ACTR3C: variants seen among roughly 807,000 people sequenced by gnomAD.
ACTR3C encodes actin related protein 3C, also known as actin-related protein 3C.
In ACTR3C, 18 loss-of-function variants were observed where a neutral mutation model predicts 26.3. The observed-to-expected ratio is 0.68, with a 90% CI of 0.47 to 1.01. ACTR3C has a LOEUF of 1.01. Ranked by LOEUF, ACTR3C falls within the 50% of genes least tolerant of loss-of-function variation. The pLI is 0.00. For synonymous variants in ACTR3C, 55 were observed against 94.5 expected (o/e 0.58, Z 2.42); for missense variants, 184 against 250.7 (o/e 0.73, Z 1.80).
the ACTR3C span, among the ~76,000 whole-genome samples, chr7:150,112,404 A>G: frequency 6.6e-6 from 1 of 152,154 alleles, no homozygotes; most frequent in Non-Finnish European, 1.5e-5. Context: ...ACGTCACCAC[A>G]CCTTACCAGC....
chr7:150,109,200 C>T, the ACTR3C span, among the ~76,000 whole-genome samples: 1 of 151,874 alleles, frequency 6.6e-6, no homozygotes, highest in African/African-American at 2.4e-5. Context: ...ATGCTTAACA[C>T]TTCATTTTTT....
chr7:150,036,117 G>A, the ACTR3C span, among the ~76,000 whole-genome samples: 7 of 134,666 alleles, frequency 5.2e-5, no homozygotes, highest in East Asian at 2.1e-4. Flanking sequence ...GAGCCAGGGG[G>A]GGAAGAGGGG....
chr7:149,996,144 A>C, the ACTR3C span, among the ~76,000 whole-genome samples: 23 of 152,362 alleles, frequency 1.5e-4, no homozygotes, highest in Admixed American at 5.2e-4. Flanking sequence ...GGACGTGGGG[A>C]GCATCTGCCA....
chr7:150,040,082 G>T, the ACTR3C span, among the ~76,000 whole-genome samples: 1 of 142,038 alleles, frequency 7.0e-6, no homozygotes, highest in Non-Finnish European at 1.5e-5. Context: ...TGCGATGGGA[G>T]TCCCAAGAGC....
chr7:150,037,331 C>T, the ACTR3C span, among the ~76,000 whole-genome samples: 2 of 48,452 alleles, frequency 4.1e-5, 1 homozygote. Flanking sequence ...GGTCCTAAGC[C>T]GGGGGGGGAA....
the ACTR3C span, among the ~76,000 whole-genome samples, chr7:149,953,052 G>A: frequency 6.6e-6 from 1 of 150,682 alleles, no homozygotes; most frequent in Non-Finnish European, 1.5e-5. Context: ...CATATAATTG[G>A]AGACTATCTA....
At chr7:150,278,795 G>A (rs1330061719) in intron 6 of ACTR3C, among the ~76,000 whole-genome samples, 1 of 152,180 alleles carries the variant, frequency 6.6e-6, no homozygotes. Flanking sequence ...GTGTGGAACT[G>A]GGGCTAAAAG....
the ACTR3C span, among the ~76,000 whole-genome samples, chr7:150,213,936 G>A: frequency 6.9e-6 from 1 of 144,894 alleles, no homozygotes; most frequent in Admixed American, 7.0e-5. Flanking sequence ...GTCTTGAAGA[G>A]GACTCACTTG....
chr7:149,882,272 G>A, the ACTR3C span, among the ~76,000 whole-genome samples: 2 of 152,210 alleles, frequency 1.3e-5, no homozygotes, highest in Non-Finnish European at 2.9e-5. Context: ...CTCGGCTTCT[G>A]CTCTTTGGGT....
the ACTR3C span, among the ~76,000 whole-genome samples, chr7:150,033,570 G>T: frequency 2.5e-4 from 38 of 150,588 alleles, no homozygotes; most frequent in African/African-American, 6.3e-4. Context: ...TGGAAGAGGG[G>T]CTGGCTCTCA....
At chr7:150,023,159 A>C in the ACTR3C span, among the ~76,000 whole-genome samples, 6 of 72,644 alleles carry the variant, frequency 8.3e-5, no homozygotes, top group Admixed American at 1.4e-4. Flanking sequence ...CTATATAGAT[A>C]TCTATATAGA....
chr7:149,976,587 A>G, the ACTR3C span, among the ~76,000 whole-genome samples: 1 of 150,788 alleles, frequency 6.6e-6, no homozygotes, highest in Non-Finnish European at 1.5e-5. Context: ...AAAAAAAAAA[A>G]AAAGAGAGAG....
the ACTR3C span, among the ~76,000 whole-genome samples, chr7:150,039,560 G>A: frequency 6.8e-6 from 1 of 147,354 alleles, no homozygotes; most frequent in South Asian, 2.1e-4. Flanking sequence ...AGGGGGGGAA[G>A]AGGGACTGGC....
intron 1 of ACTR3C, among the ~76,000 whole-genome samples, chr7:150,317,113 G>A (rs111855551): frequency 0.022 from 3,287 of 151,622 alleles, 117 homozygotes; most frequent in African/African-American, 0.075. Context: ...GTGCAATGGC[G>A]TGATCTCGGC....
the ACTR3C span, among the ~76,000 whole-genome samples, chr7:150,092,436 T>C: frequency 6.6e-6 from 1 of 151,356 alleles, no homozygotes; most frequent in Non-Finnish European, 1.5e-5. Context: ...TCTCTGGCTC[T>C]CTTGTTTCTC....
chr7:149,936,623 A>C, the ACTR3C span, among the ~76,000 whole-genome samples: 3 of 152,188 alleles, frequency 2.0e-5, no homozygotes, highest in African/African-American at 7.2e-5. Flanking sequence ...ATCCTTGAGG[A>C]CTGTGGCTCC....
chr7:150,002,852 A>G, the ACTR3C span: 2 of 152,200 alleles, frequency 1.3e-5, no homozygotes, highest in African/African-American at 4.8e-5. Flanking sequence ...CCTTGGCCCA[A>G]ACATGAAAGG....
At chr7:150,132,125 A>G in the ACTR3C span, among the ~76,000 whole-genome samples, 1 of 152,194 alleles carries the variant, frequency 6.6e-6, no homozygotes, top group Non-Finnish European at 1.5e-5. Flanking sequence ...AAGTGGCATT[A>G]GTTTGGTGGG....
At chr7:150,042,262 T>G in the ACTR3C span, among the ~76,000 whole-genome samples, 609 of 8,662 alleles carry the variant, frequency 0.07, 80 homozygotes, top group East Asian at 0.19. Flanking sequence ...ACCCTTGCGG[T>G]GGGTGCCTCC....
Sources: allele counts gnomAD v4.1 joint callset (sites outside exome capture counted in the v4.1 genomes callset), GRCh38; gene constraint gnomAD v4.1.1; transcripts MANE v1.5; gene names NCBI Gene and HGNC (gene_info 2026-07-23, HGNC 2026-07-21).